Variants in AUP1 observed in about 807,000 individuals in gnomAD.
AUP1 encodes AUP1 lipid droplet regulating VLDL assembly factor, also known as lipid droplet-regulating VLDL assembly factor AUP1.
In AUP1, 30 loss-of-function variants were observed where a neutral mutation model predicts 51.8. The observed-to-expected ratio is 0.58, with a 90% confidence interval of 0.43 to 0.79. The LOEUF is 0.79. Among genes scored for constraint, AUP1 ranks in the 30% least tolerant of loss-of-function variants. The probability of loss-of-function intolerance (pLI) is 0.00; values close to 1 mark genes in which losing one functional copy is unlikely to be tolerated. For missense variants in AUP1, 492 were observed against 517.1 expected, an observed-to-expected ratio of 0.95 and a Z score of 0.47; for synonymous variants, 227 against 209.0, an observed-to-expected ratio of 1.09 and a Z score of -0.74.
At position 74,528,926 on chromosome 2, in the gene AUP1, T is replaced by A; in HGVS notation, c.349A>T (p.Asn117Tyr). The change falls in exon 4 of 12, where the codon AAT becomes TAT. Residue 117 changes from asparagine (N) to tyrosine (Y), a missense_variant. Asn to Tyr is a moderately radical substitution (Grantham distance 143). Transcript: ENST00000377526. Reference protein sequence around the residue: ...LLTTCSTPLLNSPPSFVCWSR... With the variant: ...LLTTCSTPLLYSPPSFVCWSR... ...CAGCACACAAAGCTGGGGGGACTAT[T>A]GAGTAGAGGCTGGGAACCAGGAGAA... 6.2e-7 allele frequency: 1 copy of A among 1,613,204 alleles called. No individual in the cohort carries two copies. Among genetic ancestry groups the A allele is most frequent in the Non-Finnish European group, 8.5e-7 (1 of 1,179,854 alleles).
rs2104357646 is a variant in AUP1 at position 74,528,921 on chromosome 2, A to C, written c.354T>G (p.Ser118Arg). 6.2e-7 allele frequency: 1 copy of C among 1,613,904 alleles called. No individual in the cohort carries two copies. Among genetic ancestry groups the C allele is most frequent in the African/African-American group, 1.3e-5 (1 of 74,958 alleles). The change falls in exon 4 of 12, where the codon AGT (serine) becomes AGG (arginine). Residue 118 changes from serine to arginine, a missense_variant. Physicochemically the swap from Ser to Arg is moderately radical, Grantham distance 110 (BLOSUM62 -1). Transcript: ENST00000377526. ...GAGACCAGCACACAAAGCTGGGGGGACTATTGAGTAGAGGCTGGGAACCAG... is the reference window on the plus strand; with the variant it reads ...GAGACCAGCACACAAAGCTGGGGGGCCTATTGAGTAGAGGCTGGGAACCAG... ...LTTCSTPLLN[S>R]PPSFVCWSRG...
Position 74,529,566 on chromosome 2 carries a change from G to A in AUP1, c.50+14C>T. The A allele has an allele frequency of 6.4e-7, 1 of 1,557,450 alleles. No homozygotes were observed. The highest frequency in any genetic ancestry group is 8.7e-7 in the Non-Finnish European group (1 of 1,148,262). On this transcript the variant is annotated intron_variant, in intron 1 of 11. Coordinates refer to ENST00000377526, the MANE Select transcript of AUP1 (RefSeq NM_181575.5). ...AGCACGCGGGGATCGGTCTCTTCCC[G>A]CCGGGTCTCTTACCGGTGCGAGTCA...
chr2:74,529,049 G>A (rs2231250), intron 3 of AUP1, 83 bp downstream of exon 3: 8 of 1,607,506 alleles, frequency 5.0e-6, no homozygotes, highest in Non-Finnish European at 6.8e-6. Flanking sequence ...ATCCTCCATG[G>A]GGAACGCGAG....
rs1319042706 is a variant in AUP1 at position 74,528,259 on chromosome 2, C to T, written c.660G>A (p.Val220=). ...LLWSLFVPFT[V]YQVRWLRPVH... ...AGGACAGTTAATACCTTACTTGATA[C>T]ACCGTGAAAGGGACGAAAAGTGACC... Residue 220 remains valine, a synonymous_variant, in exon 6 of 12, where the codon GTG becomes GTA. Coordinates refer to ENST00000377526, the MANE Select transcript of AUP1 (RefSeq NM_181575.5). 3.7e-6 allele frequency: 6 copies of T among 1,613,982 alleles called. No individual in the cohort carries two copies. Among genetic ancestry groups the T allele is most frequent in the Admixed American group, 1.7e-5 (1 of 60,034 alleles).
rs1428415854 is a variant in AUP1 at position 74,528,265 on chromosome 2, G to A, written c.654C>T (p.Phe218=). 1 of 1,614,132 alleles carries A rather than the reference G, an allele frequency of 6.2e-7. No individual in the cohort carries two copies. Residue 218 remains phenylalanine, a synonymous_variant, in exon 6 of 12, where the codon TTC becomes TTT. Coordinates refer to ENST00000377526, the MANE Select transcript of AUP1 (RefSeq NM_181575.5). ...SELLWSLFVP[F]TVYQVRWLRP... is the part of the protein sequence containing the mutation. ...GTTAATACCTTACTTGATACACCGT[G>A]AAAGGGACGAAAAGTGACCACAGCA... is the stretch of plus-strand genomic sequence containing the variant.
Position 74,526,926 on chromosome 2 carries a change from C to T in AUP1, c.1196+15G>A. 3.1e-6 allele frequency: 5 copies of T among 1,613,600 alleles called. No homozygotes were observed. The highest frequency in any genetic ancestry group is 3.4e-6 in the Non-Finnish European group (4 of 1,179,536). On this transcript the variant is annotated intron_variant, in intron 11 of 11. Coordinates refer to ENST00000377526, the MANE Select transcript of AUP1 (RefSeq NM_181575.5). ...AATTTGCCACATCCTATTAATTGTC[C>T]TCTAACCCCCTCACCTTCTTGCGTA...
rs190697890 is a variant in AUP1, at chr2:74,526,717, C to G, written c.*83G>C. 1.4e-6 allele frequency: 2 copies of G among 1,444,864 alleles called. No individual in the cohort carries two copies. Among genetic ancestry groups the G allele is most frequent in the African/African-American group, 2.9e-5 (2 of 70,154 alleles). 89.5% of individuals were successfully genotyped at this position (1,444,864 alleles called of 1,614,324 possible). Reference sequence around the variant, plus strand: ...CTCATCCTTCCCTTTTTACCACCCACCCATCCAGCCTGTTGTGAGTTGGGT... The same window carrying G: ...CTCATCCTTCCCTTTTTACCACCCAGCCATCCAGCCTGTTGTGAGTTGGGT... On this transcript the variant is annotated 3_prime_UTR_variant, in exon 12 of 12. Coordinates refer to ENST00000377526, the MANE Select transcript of AUP1 (RefSeq NM_181575.5).
In AUP1 at chr2:74,528,309, C is replaced by T. The variant is rs1162310330; in HGVS notation, c.610G>A (p.Ala204Thr). 1 of 1,614,174 alleles carries T rather than the reference C, an allele frequency of 6.2e-7. No individual in the cohort carries two copies. The highest frequency in any genetic ancestry group is 8.5e-7 in the Non-Finnish European group (1 of 1,180,030). Reference sequence around the variant, plus strand: ...CACAGCAGTTCTGAGACCCAGGAGGCATCTGACACCGTCTGAGGGGAGGGC... The same window carrying T: ...CACAGCAGTTCTGAGACCCAGGAGGTATCTGACACCGTCTGAGGGGAGGGC... ...RPLVSVTVSD[A>T]SWVSELLWSL... Residue 204 changes from alanine to threonine, a missense_variant, in exon 6 of 12, where the codon GCC (alanine) becomes ACC (threonine). Physicochemically the swap from Ala to Thr is moderately conservative, Grantham distance 58. Coordinates refer to ENST00000377526, the MANE Select transcript of AUP1 (RefSeq NM_181575.5).
At chr2:74,528,066 C>G (rs1572989782) in intron 6 of AUP1, 60 bp from the exon 7 acceptor site, 1 of 1,588,596 alleles carries the variant, frequency 6.3e-7, no homozygotes, top group East Asian at 2.2e-5. Flanking sequence ...TGTCACCATT[C>G]CCCACTTTGG....
rs1441450948 is a variant in AUP1 at position 74,527,460 on chromosome 2, C to G, written c.961+11G>C. 1.7e-5 allele frequency: 27 copies of G among 1,611,348 alleles called. No individual in the cohort carries two copies. The highest frequency in any genetic ancestry group is 2.3e-5 in the Non-Finnish European group (27 of 1,178,740). On this transcript the variant is annotated intron_variant, in intron 9 of 11. Transcript: ENST00000377526. ...GCCCATCTCCCAGTGTGGGGCCACC[C>G]TTTCCCATACCCAGGTCTCTCTGGA...
In AUP1 at chr2:74,529,569, G is replaced by A. The variant is rs1303023221; in HGVS notation, c.50+11C>T. 5 of 1,559,082 alleles carry A rather than the reference G, an allele frequency of 3.2e-6. No individual in the cohort carries two copies. Among genetic ancestry groups the A allele is most frequent in the Non-Finnish European group, 4.4e-6 (5 of 1,149,166 alleles). On this transcript the variant is annotated intron_variant, in intron 1 of 11. Coordinates refer to ENST00000377526, the MANE Select transcript of AUP1 (RefSeq NM_181575.5). Reference sequence around the variant, plus strand: ...ACGCGGGGATCGGTCTCTTCCCGCCGGGTCTCTTACCGGTGCGAGTCAAAG... The same window carrying A: ...ACGCGGGGATCGGTCTCTTCCCGCCAGGTCTCTTACCGGTGCGAGTCAAAG...
rs1675232868 is a variant in AUP1 at position 74,527,311 on chromosome 2, T to C, written c.1014A>G (p.Val338=). 1 of 1,614,170 alleles carries C rather than the reference T, an allele frequency of 6.2e-7. No individual in the cohort carries two copies. Among genetic ancestry groups the C allele is most frequent in the South Asian group, 1.1e-5 (1 of 91,080 alleles). The change falls in exon 10 of 12, where the codon GTA becomes GTG. Residue 338 remains valine, a synonymous_variant. Transcript: ENST00000377526. ...TGGTGATGTCTTCAGGCATGAAAGC[T>C]ACGGCCCCCTCAAGCAGATTAGTGA... ...LTITNLLEGA[V]AFMPEDITKG... is the part of the protein sequence containing the mutation.
At position 74,528,758 on chromosome 2, in the gene AUP1, G is replaced by A. The variant is rs190881289; in HGVS notation, c.517C>T (p.Arg173Cys). ...TACCTGTGCTAAACCCACCTGAAGC[G>A]CAGGAGCCCCTCCCGGCCATTGGTG... ...EATNGREGLL[R>C]FSSWPFSIQD... The change falls in exon 4 of 12, where the codon CGC becomes TGC. Residue 173 changes from arginine (R) to cysteine (C), a missense_variant. Coordinates refer to ENST00000377526, the MANE Select transcript of AUP1 (RefSeq NM_181575.5). The A allele has an allele frequency of 4.4e-6, 7 of 1,598,490 alleles. No individual in the cohort carries two copies. The highest frequency in any genetic ancestry group is 3.3e-5 in the South Asian group (3 of 89,642).
In AUP1 at chr2:74,528,481, G is replaced by A; in HGVS notation, c.533C>T (p.Pro178Leu). 6.2e-7 allele frequency: 1 copy of A among 1,613,112 alleles called. No individual in the cohort carries two copies. Among genetic ancestry groups the A allele is most frequent in the Non-Finnish European group, 8.5e-7 (1 of 1,179,398 alleles). ...TTGTACCACATCTTGGATAGAAAAT[G>A]GCCAGGAACTAGAAGAGGAAGGAGA... ...REGLLRFSSW[P>L]FSIQDVVQPL... Residue 178 changes from proline (P) to leucine (L), a missense_variant, in exon 5 of 12, where the codon CCA becomes CTA. Coordinates refer to ENST00000377526, the MANE Select transcript of AUP1 (RefSeq NM_181575.5).
chr2:74,528,572 A>G, intron 4 of AUP1, 83 bp from the exon 5 acceptor site: 1 of 1,423,820 alleles, frequency 7.0e-7, no homozygotes, highest in Non-Finnish European at 9.9e-7. Context: ...GGCAACTGTC[A>G]AACTCTACAA....
intron 10 of AUP1, 27 bp from the exon 11 acceptor site, chr2:74,527,086 T>A (rs1401270724): frequency 8.1e-6 from 13 of 1,614,034 alleles, no homozygotes; most frequent in African/African-American, 1.3e-5. Context: ...GTCAGAGGGC[T>A]TGCGGAGTCA....
rs752676022 is a variant in AUP1, at chr2:74,528,381, C to A, written c.597+36G>T. The A allele has an allele frequency of 2.5e-6, 4 of 1,612,098 alleles. No individual in the cohort carries two copies. In the East Asian group the frequency reaches 8.9e-5, roughly 36 times the overall value. ...GGCCAGGGATGGGAAATTTCCCCTT[C>A]AAGCCCCAGAGATTCCCTGTTCAAC... On this transcript the variant is annotated intron_variant, in intron 5 of 11. Transcript: ENST00000377526.
chr2:74,528,874 C>T lies in AUP1; in HGVS notation c.401G>A (p.Gly134Glu), dbSNP rs545469947. 1.9e-6 allele frequency: 3 copies of T among 1,614,122 alleles called. No individual in the cohort carries two copies. The highest frequency in any genetic ancestry group is 1.1e-5 in the South Asian group (1 of 91,086). The change falls in exon 4 of 12, where the codon GGG becomes GAG. Residue 134 changes from glycine to glutamate, a missense_variant. By Grantham distance (98) the Gly-to-Glu change is moderately conservative. Transcript: ENST00000377526. ...GAGTGACTCCACCAACTCCCCCCGC[C>T]CATTCATCTCCATGAAGCCCCGAGA... ...CWSRGFMEMN[G>E]RGELVESLKR...
intron 4 of AUP1, 127 bp downstream of exon 4, chr2:74,528,624 A>C (rs1365845605): frequency 5.0e-6 from 7 of 1,399,104 alleles, no homozygotes; most frequent in Non-Finnish European, 6.9e-6. Flanking sequence ...GAAAGAACTT[A>C]AAGTGGACAG....
Sources: gnomAD v4.1 joint callset for allele counts on GRCh38, gnomAD v4.1.1 for gene constraint, MANE v1.5 for transcripts, NCBI Gene and HGNC (gene_info 2026-07-23, HGNC 2026-07-21) for gene names.